TJP2: variants seen among roughly 807,000 people sequenced by gnomAD.
TJP2 encodes the protein tight junction protein 2.
Under a neutral mutation model 133.1 loss-of-function variants are expected in TJP2, and 91 were observed. That is an observed-to-expected ratio of 0.68 (90% CI 0.58 to 0.81). The LOEUF is 0.81. Among genes scored for constraint, TJP2 ranks in the 40% least tolerant of loss-of-function variants. The pLI is 0.00. For synonymous variants in TJP2, 592 were observed against 583.4 expected (o/e 1.01, Z -0.21); for missense variants, 1,541 against 1,565.6 (o/e 0.98, Z 0.26).
At chr9:69,229,030 C>T (rs1829562902) in intron 9 of TJP2, among the ~76,000 whole-genome samples, 154 bp from the exon 10 acceptor site, 1 of 152,188 alleles carries the variant, frequency 6.6e-6, no homozygotes, top group South Asian at 2.1e-4. Context: ...CCTGCTAATA[C>T]TTCAGAGTTA....
At position 69,248,058 on chromosome 9, in the gene TJP2, C is replaced by T; in HGVS notation, c.2714C>T (p.Thr905Ile). The T allele has an allele frequency of 6.2e-7, 1 of 1,613,890 alleles. No homozygotes were observed. ...CCCGAAGACCGCATGTCCTACTTAACCGCCATGGGCGCGGACTATCTGAGT... is the reference window on the plus strand; with the variant it reads ...CCCGAAGACCGCATGTCCTACTTAATCGCCATGGGCGCGGACTATCTGAGT... Reference protein sequence around the residue: ...DDPEDRMSYLTAMGADYLSCD... With the variant: ...DDPEDRMSYLIAMGADYLSCD... Residue 905 changes from threonine to isoleucine, a missense_variant, in exon 19 of 23, where the codon ACC becomes ATC. Physicochemically the swap from Thr to Ile is moderately conservative, Grantham distance 89. Coordinates refer to ENST00000377245, the MANE Select transcript of TJP2 (RefSeq NM_004817.4).
In TJP2 at chr9:69,139,755, G is replaced by A. The variant is rs147919203; in HGVS notation, c.-130-11896G>A. 9.2e-5 allele frequency among the ~76,000 whole-genome samples: 14 copies of A among 152,292 alleles called. No individual in the cohort carries two copies. In the East Asian group the frequency reaches 2.3e-3, roughly 25 times the overall value. ...TCTCCCATTGATGAGCAGTGAGAGC[G>A]AGACCAGGTCTCCCATAGCCAGGTC... On this transcript the variant is annotated intron_variant, in intron 1 of 5. Transcript: ENST00000423935.
chr9:69,236,006 A>G, intron 12 of TJP2, 22 bp from the exon 13 acceptor site: 1 of 1,613,116 alleles, frequency 6.2e-7, no homozygotes. Flanking sequence ...TGAATGCAAC[A>G]AACGATGCTT....
Position 69,212,675 on chromosome 9 carries a change from A to T in TJP2, c.114+74A>T. On this transcript the variant is annotated intron_variant, in intron 2 of 22. Transcript: ENST00000377245. ...CGGATCATGGATCTTATTTATTTTC[A>T]CCTACACACAGTTTTGGCTTTTTTT... 2.3e-6 allele frequency: 3 copies of T among 1,329,008 alleles called. No individual in the cohort carries two copies. In the South Asian group the frequency reaches 3.6e-5, roughly 16 times the overall value. The allele number at this position is 1,329,008 out of a possible 1,614,324, so 82.3% of individuals were successfully genotyped here. A position where few individuals can be genotyped will look rare whatever the true frequency, so the allele number is the denominator to read the frequency against.
chr9:69,151,681 C>T, exon 2 of TJP2: 1 of 1,232,080 alleles, frequency 8.1e-7, no homozygotes, highest in Non-Finnish European at 1.0e-6. Context: ...TGTCATCTCC[C>T]TGTGAGTGGG....
chr9:69,252,817 C>A lies in TJP2; in HGVS notation c.3324C>A (p.Ile1108=), dbSNP rs780660433. ...CTTTTCTTTTTTAATTACCACAGAT[C>A]GAAATTGCCCAGAAGCATCCTGATA... ...QELQEAQNAR[I]EIAQKHPDIY... Residue 1108 remains isoleucine, a splice_region_variant and synonymous_variant, in exon 22 of 23, where the codon ATC becomes ATA. Coordinates refer to ENST00000377245, the MANE Select transcript of TJP2 (RefSeq NM_004817.4). 1 of 1,613,874 alleles carries A rather than the reference C, an allele frequency of 6.2e-7. No homozygotes were observed. The highest frequency in any genetic ancestry group is 1.3e-5 in the African/African-American group (1 of 74,896).
chr9:69,163,513 A>G lies in TJP2; in HGVS notation c.-10+11742A>G, dbSNP rs532253920. ...TAGCTGGGCATGGTGGTGCACGCCT[A>G]TGTTCCCAGTTACTTGAGAGGCTGA... On this transcript the variant is annotated intron_variant, in intron 2 of 5. Transcript: ENST00000423935. 2.3e-4 allele frequency among the ~76,000 whole-genome samples: 35 copies of G among 152,008 alleles called. 1 individual carries two copies. The South Asian group carries it at 2.7e-3, about 12-fold the overall frequency.
intron 7 of TJP2, among the ~76,000 whole-genome samples, chr9:69,226,648 G>A (rs1468351145): frequency 1.3e-5 from 2 of 152,106 alleles, no homozygotes; most frequent in African/African-American, 2.4e-5. Flanking sequence ...ATGGGCGCCT[G>A]CCACCACACC....
At chr9:69,128,761 C>T (rs1469290046) in intron 1 of TJP2, among the ~76,000 whole-genome samples, 2 of 152,110 alleles carry the variant, frequency 1.3e-5, no homozygotes, top group African/African-American at 2.4e-5. Flanking sequence ...CTCCTGACCT[C>T]GTGATCCGCC....
intron 1 of TJP2, among the ~76,000 whole-genome samples, chr9:69,174,738 G>C (rs376941400): frequency 2.7e-5 from 4 of 150,762 alleles, no homozygotes; most frequent in Non-Finnish European, 4.4e-5. Context: ...GAGGCATCTC[G>C]TGTCTGTTGT....
intron 1 of TJP2, among the ~76,000 whole-genome samples, chr9:69,212,207 A>T (rs1041064273): frequency 2.2e-4 from 33 of 152,290 alleles, no homozygotes; most frequent in Non-Finnish European, 2.6e-4. Flanking sequence ...GAATGATTTT[A>T]AAAAAAGAAT....
intron 2 of TJP2, among the ~76,000 whole-genome samples, chr9:69,167,549 TG>T (rs1190797113): frequency 6.6e-6 from 1 of 152,140 alleles, no homozygotes; most frequent in African/African-American, 2.4e-5. Context: ...TTAAGTTACT[TG>T]CTTTAATAAA....
chr9:69,216,469 T>C lies in TJP2; in HGVS notation c.239+6T>C. The stretch of plus-strand genomic sequence containing the variant: ...CCTGCTGATGGGCTGCTCCAGTGAG[T>C]GTCCTCCCTCGCTCCGCAGCCCCTA... On this transcript the variant is annotated splice_donor_region_variant and intron_variant, in intron 3 of 22. Coordinates refer to ENST00000377245, the MANE Select transcript of TJP2 (RefSeq NM_004817.4). 6.2e-7 allele frequency: 1 copy of C among 1,613,948 alleles called. No individual in the cohort carries two copies. Among genetic ancestry groups the C allele is most frequent in the African/African-American group, 1.3e-5 (1 of 75,018 alleles).
rs765212887 is a variant in TJP2 at position 69,225,387 on chromosome 9, G to A, written c.1036G>A (p.Glu346Lys). Reference sequence around the variant, plus strand: ...GGCAACTAAAGATGGCAACCTTCACGAAGGAGACATAATTCTCAAGGTGGG... The same window carrying A: ...GGCAACTAAAGATGGCAACCTTCACAAAGGAGACATAATTCTCAAGGTGGG... ...GLATKDGNLH[E>K]GDIILKINGT... Residue 346 changes from glutamate (E) to lysine (K), a missense_variant, in exon 6 of 23, where the codon GAA becomes AAA. By Grantham distance (56) the Glu-to-Lys change is moderately conservative. Coordinates refer to ENST00000377245, the MANE Select transcript of TJP2 (RefSeq NM_004817.4). 1.5e-5 allele frequency: 24 copies of A among 1,613,292 alleles called. No individual in the cohort carries two copies. Among genetic ancestry groups the A allele is most frequent in the African/African-American group, 5.3e-5 (4 of 74,886 alleles).
At chr9:69,244,734 TCAAGTG>T (rs1323871879) in intron 17 of TJP2, among the ~76,000 whole-genome samples, 1 of 152,184 alleles carries the variant, frequency 6.6e-6, no homozygotes, top group East Asian at 1.9e-4. Flanking sequence ...TAAAAAGAGG[TCAAGTG>T]CATGAGTTGG....
At chr9:69,165,884 G>A (rs1406304040) in intron 2 of TJP2, among the ~76,000 whole-genome samples, 1 of 152,120 alleles carries the variant, frequency 6.6e-6, no homozygotes, top group African/African-American at 2.4e-5. Context: ...TCCAGGAGTG[G>A]ATCAGGGTTA....
chr9:69,180,667 A>G (rs1426459572), intron 1 of TJP2, among the ~76,000 whole-genome samples: 2 of 152,198 alleles, frequency 1.3e-5, no homozygotes, highest in Non-Finnish European at 2.9e-5. Flanking sequence ...GTTCCTAGGT[A>G]TATATGGCAA....
At position 69,163,028 on chromosome 9, in the gene TJP2, TTA is replaced by T. The variant is rs200923606; in HGVS notation, c.-10+11259_-10+11260del. ...TTTTAAAAAGTATCTTTATTTTATT[TTA>T]TTTTTTTTTTTTTGAGACGGAGTCT... On this transcript the variant is annotated intron_variant, in intron 2 of 5. Transcript: ENST00000423935. Among the ~76,000 whole-genome samples, 50 of 42,114 alleles carry T rather than the reference TTA, an allele frequency of 1.2e-3. 15 individuals carry two copies. The highest frequency in any genetic ancestry group is 4.0e-3 in the South Asian group (7 of 1,736). 27.6% of individuals were successfully genotyped at this position (42,114 alleles called of 152,430 possible).
chr9:69,130,033 GAAAAAGAAA>G (rs1822424730), intron 1 of TJP2, among the ~76,000 whole-genome samples: 3 of 131,230 alleles, frequency 2.3e-5, no homozygotes, highest in African/African-American at 8.3e-5. Context: ...AAAAAAAAAA[GAAAAAGAAA>G]AAAAAGAAAA....
Sources: gnomAD v4.1 joint callset for allele counts (sites outside exome capture counted in the v4.1 genomes callset) on GRCh38, gnomAD v4.1.1 for gene constraint, MANE v1.5 for transcripts, NCBI Gene and HGNC (gene_info 2026-07-23, HGNC 2026-07-21) for gene names.